Variants in SEMA3E observed in about 807,000 individuals in gnomAD.
SEMA3E encodes semaphorin-3E.
SEMA3E carries 49 observed loss-of-function variants against 93.6 expected under a neutral mutation model. The observed-to-expected ratio is 0.52, with a 90% CI of 0.42 to 0.66. The LOEUF is 0.66. Ranked by LOEUF, SEMA3E falls within the 30% of genes least tolerant of loss-of-function variation. The pLI is 0.00. For synonymous variants in SEMA3E, 363 were observed against 330.7 expected (o/e 1.10, Z -1.06); for missense variants, 906 against 964.8 (o/e 0.94, Z 0.81).
intron 4 of SEMA3E, among the ~76,000 whole-genome samples, chr7:83,423,493 C>A (rs1788708603): frequency 6.9e-6 from 1 of 145,372 alleles, no homozygotes; most frequent in Admixed American, 7.4e-5. Context: ...CTTTCTGCAT[C>A]ACTATGAAGA....
In SEMA3E at chr7:83,369,941, C is replaced by T. The variant is rs1012947813; in HGVS notation, c.1876-1903G>A. Among the ~76,000 whole-genome samples the T allele has an allele frequency of 4.6e-5, 7 of 152,104 alleles. No individual in the cohort carries two copies. In the South Asian group the frequency reaches 6.2e-4, roughly 14 times the overall value. On this transcript the variant is annotated intron_variant, in intron 16 of 16. Coordinates refer to ENST00000643230, the MANE Select transcript of SEMA3E (RefSeq NM_012431.3). ...AAGCCTCCAGTGTTTTAAAATTTAT[C>T]GCTGCATTTGATATGGATGAAATCT...
intron 1 of SEMA3E, among the ~76,000 whole-genome samples, chr7:83,498,732 G>A (rs1790540548): frequency 6.6e-6 from 1 of 152,074 alleles, no homozygotes; most frequent in Admixed American, 6.5e-5. Context: ...GCCCACCTTG[G>A]CCTCCCAAAG....
chr7:83,552,316 T>C (rs1179784702), intron 1 of SEMA3E, among the ~76,000 whole-genome samples: 2 of 152,216 alleles, frequency 1.3e-5, no homozygotes, highest in Non-Finnish European at 2.9e-5. Context: ...CTTTTATCTC[T>C]TAATCCTGTT....
At position 83,406,016 on chromosome 7, in the gene SEMA3E, G is replaced by C. The variant is rs771150785; in HGVS notation, c.857C>G (p.Thr286Ser). The C allele has an allele frequency of 1.2e-6, 2 of 1,613,320 alleles. No individual in the cohort carries two copies. The highest frequency in any genetic ancestry group is 1.7e-5 in the Admixed American group (1 of 59,948). The change falls in exon 8 of 17, where the codon ACT becomes AGT. Residue 286 changes from threonine (T) to serine (S), a missense_variant. Coordinates refer to ENST00000643230, the MANE Select transcript of SEMA3E (RefSeq NM_012431.3). ...GQRILVNKWS[T>S]FLKARLVCSV... ...GCAAACGAGTCTCGCTTTTAGGAAAGTGCTCCACTTATTCACCAGTATTCT... is the reference window on the plus strand; with the variant it reads ...GCAAACGAGTCTCGCTTTTAGGAAACTGCTCCACTTATTCACCAGTATTCT...
At chr7:83,566,488 C>T (rs1792159457) in intron 1 of SEMA3E, among the ~76,000 whole-genome samples, 2 of 152,068 alleles carry the variant, frequency 1.3e-5, no homozygotes, top group Non-Finnish European at 2.9e-5. Flanking sequence ...TTATCATATA[C>T]AATTTTTAAT....
chr7:83,397,249 A>AT (rs1788140120), intron 11 of SEMA3E, among the ~76,000 whole-genome samples: 1 of 151,920 alleles, frequency 6.6e-6, no homozygotes, highest in African/African-American at 2.4e-5. Context: ...GGAAATAATG[A>AT]TTTTTTCAAA....
intron 2 of SEMA3E, among the ~76,000 whole-genome samples, chr7:83,476,676 C>T (rs916735647): frequency 3.9e-5 from 6 of 152,244 alleles, no homozygotes; most frequent in African/African-American, 1.4e-4. Context: ...AAATGTTCTG[C>T]CAAGCTAGTA....
intron 5 of SEMA3E, among the ~76,000 whole-genome samples, chr7:83,408,772 T>G (rs1788376947): frequency 6.6e-6 from 1 of 152,166 alleles, no homozygotes; most frequent in Non-Finnish European, 1.5e-5. Flanking sequence ...AGCAAAGCAC[T>G]TGGAAGATCA....
chr7:83,384,582 T>G (rs1384601897), intron 16 of SEMA3E, among the ~76,000 whole-genome samples: 1 of 152,086 alleles, frequency 6.6e-6, no homozygotes, highest in Non-Finnish European at 1.5e-5. Context: ...CTTACCTAAC[T>G]GCTTTATGCC....
chr7:83,474,669 G>C (rs1029667390), intron 2 of SEMA3E, among the ~76,000 whole-genome samples: 1 of 152,212 alleles, frequency 6.6e-6, no homozygotes, highest in African/African-American at 2.4e-5. Context: ...TCCATCAGTG[G>C]GTCATGCATG....
Position 83,363,860 on chromosome 7 carries a change from A to ATTTTT in SEMA3E, c.*3721_*3725dup, listed in dbSNP as rs56867715. The ATTTTT allele has an allele frequency of 1.6e-4, 12 of 76,964 alleles. No individual in the cohort carries two copies. Among genetic ancestry groups the ATTTTT allele is most frequent in the African/African-American group, 6.0e-4 (12 of 20,108 alleles). 4.8% of individuals were successfully genotyped at this position (76,964 alleles called of 1,614,324 possible). ...GGCTACAGGTGTCACAGGTCAATTCATTTTTTTTTTTTTTTTTTTTTTTTT... is the reference window on the plus strand; with the variant it reads ...GGCTACAGGTGTCACAGGTCAATTCATTTTTTTTTTTTTTTTTTTTTTTTTTTTTT... On this transcript the variant is annotated 3_prime_UTR_variant, in exon 17 of 17. Transcript: ENST00000643230.
chr7:83,509,641 C>T (rs181776694), intron 1 of SEMA3E, among the ~76,000 whole-genome samples: 84 of 152,244 alleles, frequency 5.5e-4, no homozygotes, highest in African/African-American at 1.9e-3. Context: ...ACTCTGCTTC[C>T]GTATCTTCTA....
In SEMA3E at chr7:83,461,237, C is replaced by T. The variant is rs557178915; in HGVS notation, c.456+5245G>A. Among the ~76,000 whole-genome samples, 14 of 152,238 alleles carry T rather than the reference C, an allele frequency of 9.2e-5. No individual in the cohort carries two copies. In the South Asian group the frequency reaches 2.9e-3, roughly 32 times the overall value. On this transcript the variant is annotated intron_variant, in intron 4 of 16. Transcript: ENST00000643230. Reference sequence around the variant, plus strand: ...CCCAGTGCAACTCGTCCCAAATCTTCCTTCTTTCCCTCCCGCCTGTACCCT... The same window carrying T: ...CCCAGTGCAACTCGTCCCAAATCTTTCTTCTTTCCCTCCCGCCTGTACCCT...
At chr7:83,444,838 T>G (rs530366999) in intron 4 of SEMA3E, among the ~76,000 whole-genome samples, 5 of 152,158 alleles carry the variant, frequency 3.3e-5, no homozygotes, top group Non-Finnish European at 5.9e-5. Context: ...TCCTGGCTAA[T>G]TTTTGTATTT....
intron 1 of SEMA3E, among the ~76,000 whole-genome samples, chr7:83,514,473 A>T (rs933069047): frequency 6.6e-6 from 1 of 152,150 alleles, no homozygotes; most frequent in Admixed American, 6.5e-5. Context: ...CAAATTCAGG[A>T]TCATTTTAAA....
At chr7:83,624,872 T>G (rs1464456534) in intron 1 of SEMA3E, among the ~76,000 whole-genome samples, 1 of 152,210 alleles carries the variant, frequency 6.6e-6, no homozygotes, top group East Asian at 1.9e-4. Context: ...TACATTTAAA[T>G]CTTTAATCTA....
intron 1 of SEMA3E, among the ~76,000 whole-genome samples, chr7:83,554,524 G>C (rs1363714202): frequency 8.2e-6 from 1 of 121,294 alleles, no homozygotes; most frequent in Non-Finnish European, 1.6e-5. Flanking sequence ...GAGAGGAAAA[G>C]ATGATAGGGG....
At chr7:83,562,813 G>A (rs529925753) in intron 1 of SEMA3E, among the ~76,000 whole-genome samples, 5 of 152,162 alleles carry the variant, frequency 3.3e-5, no homozygotes, top group Non-Finnish European at 5.9e-5. Context: ...TCCAAAAAAG[G>A]AGAGAGAGGT....
At chr7:83,428,575 C>T (rs1265298946) in intron 4 of SEMA3E, among the ~76,000 whole-genome samples, 1 of 151,880 alleles carries the variant, frequency 6.6e-6, no homozygotes, top group African/African-American at 2.4e-5. Flanking sequence ...TTCACTCTAC[C>T]ATATCTTTTT....
Sources: allele counts gnomAD v4.1 joint callset (sites outside exome capture counted in the v4.1 genomes callset), GRCh38; gene constraint gnomAD v4.1.1; transcripts MANE v1.5; gene names NCBI Gene and HGNC (gene_info 2026-07-23, HGNC 2026-07-21).